Variants in SND1 observed in about 807,000 individuals in gnomAD.
SND1 encodes staphylococcal nuclease and tudor domain containing 1.
Under a neutral mutation model 121.7 loss-of-function variants are expected in SND1, and 38 were observed. The ratio of observed to expected loss-of-function variants is 0.31; its 90% CI spans 0.24 to 0.41. The LOEUF (loss-of-function observed/expected upper bound fraction) is 0.41. Ranked by LOEUF, SND1 falls within the 10% of genes least tolerant of loss-of-function variation. The pLI is 1.00. For synonymous variants in SND1, 401 were observed against 447.4 expected (o/e 0.90, Z 1.31); for missense variants, 868 against 1,184.6 (o/e 0.73, Z 3.92).
intron 14 of SND1, among the ~76,000 whole-genome samples, chr7:127,914,912 G>A (rs1417252128): frequency 6.6e-6 from 1 of 152,156 alleles, no homozygotes; most frequent in Non-Finnish European, 1.5e-5. Flanking sequence ...TATGATAATG[G>A]CACTTACCTC....
intron 14 of SND1, among the ~76,000 whole-genome samples, chr7:127,919,897 G>T (rs1358408462): frequency 6.6e-6 from 1 of 152,058 alleles, no homozygotes; most frequent in Admixed American, 6.6e-5. Context: ...ACCTGCTTTC[G>T]TAGAATATTT....
chr7:127,854,319 G>T (rs1033588758), intron 12 of SND1, among the ~76,000 whole-genome samples: 2 of 152,026 alleles, frequency 1.3e-5, no homozygotes, highest in Non-Finnish European at 2.9e-5. Context: ...AGTAGAGATG[G>T]GGTTTTGCCA....
At chr7:127,995,254 G>A (rs1802621006) in intron 16 of SND1, among the ~76,000 whole-genome samples, 2 of 152,220 alleles carry the variant, frequency 1.3e-5, no homozygotes, top group Admixed American at 1.3e-4. Context: ...TGCCGTTGAG[G>A]CTGGACTGCA....
chr7:128,089,829 TG>T (rs1793747841), intron 22 of SND1, 137 bp downstream of exon 22: 2 of 834,622 alleles, frequency 2.4e-6, no homozygotes, highest in Admixed American at 5.6e-5. Context: ...GATTTGGGTT[TG>T]TTGGTGTTTT....
chr7:127,782,483 A>G (rs1254122556), intron 10 of SND1, among the ~76,000 whole-genome samples: 1 of 152,096 alleles, frequency 6.6e-6, no homozygotes, highest in African/African-American at 2.4e-5. Context: ...TTATTTTTCT[A>G]TTTAAGCCTC....
chr7:127,817,484 C>T (rs192939496), intron 11 of SND1, among the ~76,000 whole-genome samples: 27 of 152,246 alleles, frequency 1.8e-4, no homozygotes, highest in Admixed American at 1.0e-3. Flanking sequence ...GACCTGACCA[C>T]GTCACCAACT....
intron 12 of SND1, among the ~76,000 whole-genome samples, chr7:127,872,789 A>G (rs1441970891): frequency 6.6e-6 from 1 of 152,128 alleles, no homozygotes; most frequent in Non-Finnish European, 1.5e-5. Flanking sequence ...ACAGATGTGA[A>G]ATTATTTTAA....
chr7:128,074,471 C>T, intron 16 of SND1, 31 bp from the exon 17 acceptor site: 1 of 1,583,604 alleles, frequency 6.3e-7, no homozygotes, highest in South Asian at 1.2e-5. Context: ...GGCCTGGCCC[C>T]CACAGGCTTA....
intron 15 of SND1, among the ~76,000 whole-genome samples, chr7:127,975,342 CATGTGCGCACGCGCGTGTGT>C (rs1456229121): frequency 2.6e-5 from 4 of 151,830 alleles, no homozygotes; most frequent in South Asian, 2.1e-4. Context: ...GGCGCGCGCG[CATGTGCGCACGCGCGTGTGT>C]ATGTGAGAGA....
intron 16 of SND1, chr7:128,030,789 G>C: frequency 9.7e-7 from 1 of 1,035,684 alleles, no homozygotes; most frequent in East Asian, 2.8e-5. Context: ...GAGCGGATCG[G>C]CCGAAAAAAA....
In SND1 at chr7:128,089,709, G is replaced by A. The variant is rs1584783749; in HGVS notation, c.2622+17G>A. The A allele has an allele frequency of 6.2e-7, 1 of 1,611,770 alleles. No individual in the cohort carries two copies. Among genetic ancestry groups the A allele is most frequent in the East Asian group, 2.2e-5 (1 of 44,844 alleles). ...CAGAAAGTGGTATGTGATGTGGAGA[G>A]GCGGCCCCAGCATTGCGCCACCACC... On this transcript the variant is annotated intron_variant, in intron 22 of 23. Coordinates refer to ENST00000354725, the MANE Select transcript of SND1 (RefSeq NM_014390.4).
At chr7:127,656,940 C>T (rs2116222843) in intron 1 of SND1, among the ~76,000 whole-genome samples, 1 of 152,304 alleles carries the variant, frequency 6.6e-6, no homozygotes, top group South Asian at 2.1e-4. Flanking sequence ...TTAAAATGCC[C>T]ATTTCCCGGC....
rs1459087027 is a variant in SND1, at chr7:127,730,761, CAGGTGTT to C, written c.1152+9364_1152+9370del. Among the ~76,000 whole-genome samples the C allele has an allele frequency of 5.3e-5, 8 of 152,172 alleles. No homozygotes were observed. In the East Asian group the frequency reaches 1.5e-3, roughly 29 times the overall value. ...AAATGTCTAGCACATAGTTGATACT[CAGGTGTT>C]AGATAGTGTCTCATTGCATCCTCAC... is the stretch of plus-strand genomic sequence containing the variant. On this transcript the variant is annotated intron_variant, in intron 10 of 23. Transcript: ENST00000354725.
intron 13 of SND1, among the ~76,000 whole-genome samples, chr7:127,901,321 T>A (rs1800226329): frequency 6.6e-6 from 1 of 152,134 alleles, no homozygotes; most frequent in Admixed American, 6.6e-5. Flanking sequence ...GTGGCAGGCC[T>A]CCCCTCTTGG....
intron 12 of SND1, among the ~76,000 whole-genome samples, chr7:127,846,873 C>T (rs530517351): frequency 4.8e-4 from 73 of 152,292 alleles, no homozygotes; most frequent in Non-Finnish European, 8.4e-4. Context: ...GACCTAGCTG[C>T]ACACTTTCTG....
chr7:127,718,212 C>G (rs985663191), intron 9 of SND1, among the ~76,000 whole-genome samples: 2 of 152,018 alleles, frequency 1.3e-5, no homozygotes, highest in Admixed American at 1.3e-4. Flanking sequence ...AGATCTGTAG[C>G]TAGCAGAGAA....
chr7:127,926,549 CTTTTTTTTT>C (rs71160605), intron 14 of SND1, among the ~76,000 whole-genome samples: 22 of 90,560 alleles, frequency 2.4e-4, no homozygotes, highest in African/African-American at 8.6e-4. Flanking sequence ...TTTTCTTTTT[CTTTTTTTTT>C]TTTTTTTTTT....
chr7:128,013,961 C>G (rs1584737976), intron 16 of SND1, among the ~76,000 whole-genome samples: 1 of 152,226 alleles, frequency 6.6e-6, no homozygotes, highest in Non-Finnish European at 1.5e-5. Flanking sequence ...GGTAATCTCT[C>G]TGTGCCTTGG....
At chr7:127,856,328 A>G (rs779211651) in intron 12 of SND1, among the ~76,000 whole-genome samples, 4 of 152,216 alleles carry the variant, frequency 2.6e-5, no homozygotes, top group Admixed American at 2.6e-4. Context: ...ATGAAAAGGC[A>G]CAGGGCTACC....
Sources: allele counts gnomAD v4.1 joint callset (sites outside exome capture counted in the v4.1 genomes callset), GRCh38; gene constraint gnomAD v4.1.1; transcripts MANE v1.5; gene names NCBI Gene and HGNC (gene_info 2026-07-23, HGNC 2026-07-21).